The following MAP3K2 variants were observed in gnomAD, a reference collection of about 807,000 sequenced individuals.
MAP3K2 encodes the protein mitogen-activated protein kinase kinase kinase 2, also known as MAP/ERK kinase kinase 2.
A neutral mutation model predicts 80.3 loss-of-function variants in MAP3K2; 24 were observed. The ratio of observed to expected loss-of-function variants is 0.30; its 90% CI spans 0.22 to 0.42. The LOEUF is 0.42. Among genes scored for constraint, MAP3K2 ranks in the 10% least tolerant of loss-of-function variants. MAP3K2 has a pLI of 1.00. For missense variants in MAP3K2, 608 were observed against 750.1 expected (o/e 0.81, Z 2.21); for synonymous variants, 244 against 253.7 (o/e 0.96, Z 0.36).
In MAP3K2 at chr2:127,306,176, G is replaced by A. The variant is rs1383397810; in HGVS notation, c.*1403C>T. The A allele has an allele frequency of 6.6e-6, 1 of 152,076 alleles. No homozygotes were observed. Among genetic ancestry groups the A allele is most frequent in the Non-Finnish European group, 1.5e-5 (1 of 67,998 alleles). 9.4% of individuals were successfully genotyped at this position (152,076 alleles called of 1,614,324 possible). A position where few individuals can be genotyped will look rare whatever the true frequency, so the allele number is the denominator to read the frequency against. ...ATTTGCATTACATCACTTTCTCTTTGCGACTTCCTTTTCTTTCTTGCATTT... is the reference window on the plus strand; with the variant it reads ...ATTTGCATTACATCACTTTCTCTTTACGACTTCCTTTTCTTTCTTGCATTT... On this transcript the variant is annotated 3_prime_UTR_variant, in exon 17 of 17. Transcript: ENST00000682094. The surrounding 1 kb of genome is among the most constrained non-coding windows in gnomAD (Gnocchi z 4.7).
At chr2:127,356,082 A>G (rs1686792918) in intron 1 of MAP3K2, among the ~76,000 whole-genome samples, 1 of 152,104 alleles carries the variant, frequency 6.6e-6, no homozygotes, top group Non-Finnish European at 1.5e-5. Flanking sequence ...TTCTCCTGCT[A>G]TTTCCATCAA....
At chr2:127,357,887 G>A (rs566398507) in intron 1 of MAP3K2, among the ~76,000 whole-genome samples, 157 of 152,180 alleles carry the variant, frequency 1.0e-3, no homozygotes, top group Non-Finnish European at 1.5e-3. Context: ...TGGTGACCTT[G>A]ACTTTGGCAA....
At chr2:127,327,993 A>G (rs1447161485) in intron 7 of MAP3K2, among the ~76,000 whole-genome samples, 1 of 152,200 alleles carries the variant, frequency 6.6e-6, no homozygotes, top group Non-Finnish European at 1.5e-5. Flanking sequence ...AGTGAATTAG[A>G]GCTGGGCACT....
At chr2:127,350,452 A>C (rs1275225057) in intron 1 of MAP3K2, among the ~76,000 whole-genome samples, 1 of 117,608 alleles carries the variant, frequency 8.5e-6, no homozygotes, top group African/African-American at 3.0e-5. Flanking sequence ...CAAAAACAAA[A>C]ACAAAAAAAA....
At chr2:127,313,008 T>C (rs1209239487) in intron 15 of MAP3K2, among the ~76,000 whole-genome samples, 1 of 152,052 alleles carries the variant, frequency 6.6e-6, no homozygotes, top group East Asian at 1.9e-4. Flanking sequence ...ATCCTGCCAC[T>C]TGATGATAAC....
In MAP3K2 at chr2:127,318,237, C is replaced by T. The variant is rs761851480; in HGVS notation, c.1126G>A (p.Val376Ile). 3 of 1,612,074 alleles carry T rather than the reference C, an allele frequency of 1.9e-6. No individual in the cohort carries two copies. Among genetic ancestry groups the T allele is most frequent in the African/African-American group, 1.3e-5 (1 of 74,816 alleles). The change falls in exon 13 of 17, where the codon GTT (valine) becomes ATT (isoleucine). Residue 376 changes from valine to isoleucine, a missense_variant. Val to Ile is a conservative substitution (Grantham distance 29, BLOSUM62 3). This residue lies in a region of MAP3K2 where 467 missense variants were observed against 521.9 expected (regional missense o/e 0.89). Transcript: ENST00000682094. ...ACAGCCAATTCTCTTCCTGTATCAA[C>T]ATCATAACAGAGGTAGACCCTTCCA... is the stretch of plus-strand genomic sequence containing the variant. ...AFGRVYLCYDVDTGRELAVKQ... is the reference protein window; with the variant it reads ...AFGRVYLCYDIDTGRELAVKQ...
chr2:127,336,055 C>G, intron 4 of MAP3K2, 86 bp from the exon 5 acceptor site: 1 of 704,324 alleles, frequency 1.4e-6, no homozygotes. Flanking sequence ...TAGAGTGATA[C>G]AAGATTAACT....
chr2:127,333,503 C>T (rs1686303122), intron 5 of MAP3K2, among the ~76,000 whole-genome samples: 1 of 152,054 alleles, frequency 6.6e-6, no homozygotes, highest in African/African-American at 2.4e-5. Flanking sequence ...AATTTTTTGC[C>T]TGACCACATG....
At chr2:127,311,559 G>T (rs556553123) in intron 15 of MAP3K2, among the ~76,000 whole-genome samples, 1 of 152,230 alleles carries the variant, frequency 6.6e-6, no homozygotes, top group East Asian at 1.9e-4. Flanking sequence ...CATACACAAA[G>T]GTAGAGCAGC....
rs1329599530 is a variant in MAP3K2, at chr2:127,304,690, AAAG to A, written c.*2886_*2888del. The A allele has an allele frequency of 4.6e-5, 7 of 152,730 alleles. No homozygotes were observed. Among genetic ancestry groups the A allele is most frequent in the South Asian group, 2.1e-4 (1 of 4,824 alleles). 9.5% of individuals were successfully genotyped at this position (152,730 alleles called of 1,614,324 possible). On this transcript the variant is annotated 3_prime_UTR_variant, in exon 17 of 17. Transcript: ENST00000682094. Reference sequence around the variant, plus strand: ...ATTTGTTGATCCATATCATTATTAGAAAGAAGAAAAAAACGGAGTGTTATATTT... The same window carrying A: ...ATTTGTTGATCCATATCATTATTAGAAAGAAAAAAACGGAGTGTTATATTT...
intron 7 of MAP3K2, among the ~76,000 whole-genome samples, chr2:127,329,382 G>A (rs1380683959): frequency 1.8e-4 from 27 of 146,184 alleles, no homozygotes; most frequent in Non-Finnish European, 3.1e-4. Context: ...TTTTGAGATG[G>A]AGTCTTGCTT....
rs867204696 is a variant in MAP3K2, at chr2:127,383,975, G to A, written c.-66+3477C>T. 1.6e-4 allele frequency among the ~76,000 whole-genome samples: 24 copies of A among 150,708 alleles called. No homozygotes were observed. In the Middle Eastern group the frequency reaches 0.017, roughly 108 times the overall value. The stretch of plus-strand genomic sequence containing the variant: ...CGCAAGCTCCACCTCCCGGGTTCAC[G>A]CCATTCTCCTGCCTCAGCCTCCCGA... On this transcript the variant is annotated intron_variant, in intron 1 of 16. Transcript: ENST00000682094.
chr2:127,366,966 AT>A (rs1357666242), intron 1 of MAP3K2, among the ~76,000 whole-genome samples: 2 of 143,634 alleles, frequency 1.4e-5, no homozygotes, highest in African/African-American at 5.1e-5. Flanking sequence ...CACCTCCCGG[AT>A]TCAAGCCAAT....
At chr2:127,324,931 C>T (rs1377796648) in intron 9 of MAP3K2, among the ~76,000 whole-genome samples, 1 of 152,142 alleles carries the variant, frequency 6.6e-6, no homozygotes, top group African/African-American at 2.4e-5. Flanking sequence ...CACAAAAGTA[C>T]TTAAATTTTT....
intron 1 of MAP3K2, among the ~76,000 whole-genome samples, chr2:127,370,788 T>C (rs1425623126): frequency 1.3e-5 from 2 of 152,164 alleles, no homozygotes; most frequent in African/African-American, 2.4e-5. Context: ...GGCCCCGTTA[T>C]ACACAGAAGA....
At chr2:127,338,648 T>A (rs112384790) in intron 3 of MAP3K2, among the ~76,000 whole-genome samples, 16 of 152,312 alleles carry the variant, frequency 1.1e-4, no homozygotes, top group African/African-American at 3.4e-4. Context: ...TCCATGTTCC[T>A]GAAAGGACAT....
Position 127,345,161 on chromosome 2 carries a change from C to A in MAP3K2, c.-65-1967G>T, listed in dbSNP as rs76914407. 1.2e-3 allele frequency among the ~76,000 whole-genome samples: 181 copies of A among 152,170 alleles called. 1 individual carries two copies. Among genetic ancestry groups the A allele is most frequent in the African/African-American group, 4.1e-3 (170 of 41,520 alleles). On this transcript the variant is annotated intron_variant, in intron 1 of 16. Transcript: ENST00000682094. ...CAACACCTGGTCCACATTTTAAATT[C>A]GAAGACAAAATAGGTTGACAGTAAA...
intron 1 of MAP3K2, among the ~76,000 whole-genome samples, chr2:127,382,054 A>C (rs762234250): frequency 6.6e-6 from 1 of 152,232 alleles, no homozygotes; most frequent in Non-Finnish European, 1.5e-5. Context: ...ATAAGAGATC[A>C]AAAAGCCTTA....
At position 127,387,816 on chromosome 2, in the gene MAP3K2, C is replaced by A. The variant is rs1361439092; in HGVS notation, c.-430G>T. The A allele has an allele frequency of 1.0e-6, 1 of 985,074 alleles. No homozygotes were observed. The highest frequency in any genetic ancestry group is 1.2e-6 in the Non-Finnish European group (1 of 829,812). The allele number at this position is 985,074 out of a possible 1,614,324, so 61.0% of individuals were successfully genotyped here. ...GAGACCGGAGAAGAGGCGGGAGTGGCGACTCTGCGGACAGGGGCGCCGAGC... is the reference window on the plus strand; with the variant it reads ...GAGACCGGAGAAGAGGCGGGAGTGGAGACTCTGCGGACAGGGGCGCCGAGC... On this transcript the variant is annotated 5_prime_UTR_variant, in exon 1 of 17. Transcript: ENST00000682094.
Sources: allele counts gnomAD v4.1 joint callset (sites outside exome capture counted in the v4.1 genomes callset), GRCh38; gene constraint gnomAD v4.1.1; regional missense constraint gnomAD v4.1.1; non-coding constraint Gnocchi (gnomAD v3.1); transcripts MANE v1.5; gene names NCBI Gene and HGNC (gene_info 2026-07-23, HGNC 2026-07-21).